NBAS: variants seen among roughly 807,000 people sequenced by gnomAD.
NBAS encodes the protein NBAS subunit of NRZ tethering complex, also known as NAG/BC035112 fusion.
In NBAS, 219 loss-of-function variants were observed where a neutral mutation model predicts 302.5. The observed-to-expected ratio is 0.72, with a 90% CI of 0.65 to 0.81. The LOEUF (loss-of-function observed/expected upper bound fraction) is 0.81, where lower values mean the gene tolerates loss of function less well. NBAS is among the 30% of genes least tolerant of loss of function. The pLI is 0.00. For synonymous variants in NBAS, 1,118 were observed against 1,021.6 expected (o/e 1.09, Z -1.80); for missense variants, 2,932 against 2,841.6 (o/e 1.03, Z -0.72).
chr2:15,431,598 A>T (rs568668952), intron 21 of NBAS, among the ~76,000 whole-genome samples: 1 of 152,328 alleles, frequency 6.6e-6, no homozygotes, highest in African/African-American at 2.4e-5. Context: ...AAAAAATTTT[A>T]AAATGATCTC....
At chr2:14,913,286 G>T in the NBAS span, among the ~76,000 whole-genome samples, 1 of 152,194 alleles carries the variant, frequency 6.6e-6, no homozygotes, top group South Asian at 2.1e-4. Context: ...ATGGAGAGCT[G>T]TTGGAGTTCA....
intron 11 of NBAS, among the ~76,000 whole-genome samples, chr2:15,501,682 C>T (rs1180616799): frequency 6.6e-6 from 1 of 150,564 alleles, no homozygotes; most frequent in Non-Finnish European, 1.5e-5. Context: ...CTCCGCCTCC[C>T]GGTTTTTTAA....
At chr2:15,412,305 G>C (rs548741757) in intron 25 of NBAS, among the ~76,000 whole-genome samples, 1 of 152,104 alleles carries the variant, frequency 6.6e-6, no homozygotes, top group Non-Finnish European at 1.5e-5. Context: ...CTGAAGTTTT[G>C]TGAGCCACTG....
the NBAS span, among the ~76,000 whole-genome samples, chr2:15,081,904 G>A: frequency 6.6e-6 from 1 of 152,136 alleles, no homozygotes; most frequent in African/African-American, 2.4e-5. Flanking sequence ...AGGCACATGT[G>A]GGTTAGAATC....
At chr2:15,055,554 A>C in the NBAS span, among the ~76,000 whole-genome samples, 1 of 152,150 alleles carries the variant, frequency 6.6e-6, no homozygotes, top group African/African-American at 2.4e-5. Context: ...TATAGGAGTC[A>C]GAGAATGGTG....
chr2:15,034,015 GAAGAAGAA>G, the NBAS span, among the ~76,000 whole-genome samples: 454 of 50,838 alleles, frequency 8.9e-3, 18 homozygotes, highest in African/African-American at 0.044. Flanking sequence ...AGAAGAAGAA[GAAGAAGAA>G]GAAGAGGAGG....
chr2:15,113,239 T>C, the NBAS span, among the ~76,000 whole-genome samples: 1 of 151,558 alleles, frequency 6.6e-6, no homozygotes, highest in African/African-American at 2.4e-5. Flanking sequence ...AAAAAGGAGA[T>C]GCATATATAA....
chr2:15,522,176 C>T (rs1662703606), intron 9 of NBAS, among the ~76,000 whole-genome samples: 1 of 151,982 alleles, frequency 6.6e-6, no homozygotes, highest in Non-Finnish European at 1.5e-5. Context: ...TTCTTTCTGA[C>T]AACAGAAATG....
At chr2:15,356,185 C>A (rs1673608568) in intron 33 of NBAS, 118 bp downstream of exon 33, 3 of 801,680 alleles carry the variant, frequency 3.7e-6, no homozygotes, top group Non-Finnish European at 6.6e-6. Context: ...TAAAATGTAT[C>A]TCAAGCCTCA....
At chr2:15,207,858 C>T (rs1666218590) in intron 48 of NBAS, among the ~76,000 whole-genome samples, 2 of 151,796 alleles carry the variant, frequency 1.3e-5, no homozygotes, top group Non-Finnish European at 2.9e-5. Flanking sequence ...TCAGGTAGTT[C>T]TTTACAGCCG....
At chr2:15,034,176 A>AT in the NBAS span, among the ~76,000 whole-genome samples, 2 of 87,324 alleles carry the variant, frequency 2.3e-5, no homozygotes. Context: ...AGGAAGAAGA[A>AT]GAATGAAAGA....
intron 9 of NBAS, among the ~76,000 whole-genome samples, chr2:15,517,998 C>T (rs2148657900): frequency 6.6e-6 from 1 of 152,144 alleles, no homozygotes; most frequent in East Asian, 1.9e-4. Flanking sequence ...AAGTTGGGGA[C>T]CATCTGTTTA....
intron 44 of NBAS, among the ~76,000 whole-genome samples, chr2:15,272,157 G>A (rs1424369506): frequency 6.6e-6 from 1 of 152,140 alleles, no homozygotes; most frequent in Admixed American, 6.5e-5. Flanking sequence ...AGTGGATTGG[G>A]CACTCAGTTC....
chr2:15,055,086 A>G, the NBAS span, among the ~76,000 whole-genome samples: 3 of 152,214 alleles, frequency 2.0e-5, no homozygotes, highest in Non-Finnish European at 2.9e-5. Context: ...ATTCATCCAC[A>G]GCTCCCCATG....
chr2:15,256,165 T>C (rs1183685211), intron 44 of NBAS, among the ~76,000 whole-genome samples: 2 of 152,210 alleles, frequency 1.3e-5, no homozygotes, highest in African/African-American at 2.4e-5. Context: ...TTTCACAATA[T>C]TGATTCTACC....
chr2:14,905,098 G>A, the NBAS span, among the ~76,000 whole-genome samples: 2 of 152,152 alleles, frequency 1.3e-5, no homozygotes, highest in African/African-American at 2.4e-5. Context: ...TGTTCCAGGC[G>A]CACTGGCAGC....
intron 40 of NBAS, among the ~76,000 whole-genome samples, chr2:15,301,871 GA>G (rs1670812773): frequency 6.6e-6 from 1 of 152,162 alleles, no homozygotes; most frequent in South Asian, 2.1e-4. Context: ...CTGCAGCATG[GA>G]AGGATGAAGT....
At chr2:15,321,802 T>C (rs1275376917) in intron 38 of NBAS, among the ~76,000 whole-genome samples, 1 of 152,178 alleles carries the variant, frequency 6.6e-6, no homozygotes, top group African/African-American at 2.4e-5. Context: ...GAGTGTAAAT[T>C]AGTTCAACCA....
chr2:15,424,206 A>G (rs1452232747), intron 23 of NBAS, 109 bp downstream of exon 23: 1 of 1,240,720 alleles, frequency 8.1e-7, no homozygotes, highest in African/African-American at 1.5e-5. Flanking sequence ...TCTTGCAATT[A>G]TATACATGAT....
Sources: allele counts gnomAD v4.1 joint callset (sites outside exome capture counted in the v4.1 genomes callset), GRCh38; gene constraint gnomAD v4.1.1; transcripts MANE v1.5; gene names NCBI Gene and HGNC (gene_info 2026-07-23, HGNC 2026-07-21).